PPP1R12A: variants seen among roughly 807,000 people sequenced by gnomAD.
The protein encoded by PPP1R12A is protein phosphatase 1 regulatory subunit 12A.
PPP1R12A carries 19 observed loss-of-function variants against 139.6 expected under a neutral mutation model. That is an observed-to-expected ratio of 0.14 (90% CI 0.09 to 0.20). PPP1R12A has a LOEUF of 0.20. Among genes scored for constraint, PPP1R12A ranks in the 10% least tolerant of loss-of-function variants. The probability of loss-of-function intolerance (pLI) is 1.00; values close to 1 mark genes in which losing one functional copy is unlikely to be tolerated. For synonymous variants in PPP1R12A, 427 were observed against 420.6 expected (o/e 1.02, Z -0.19); for missense variants, 925 against 1,211.5 (o/e 0.76, Z 3.51).
At chr12:79,776,559 T>G (rs1367794756) in intron 24 of PPP1R12A, among the ~76,000 whole-genome samples, 1 of 152,058 alleles carries the variant, frequency 6.6e-6, no homozygotes, top group East Asian at 1.9e-4. Context: ...CCCAGATAGA[T>G]GCTTATTAAA....
Position 79,921,939 on chromosome 12 carries a change from G to C in PPP1R12A, c.237+12756C>G, listed in dbSNP as rs1361807338. Among the ~76,000 whole-genome samples the C allele has an allele frequency of 2.0e-5, 3 of 152,114 alleles. No homozygotes were observed. The East Asian group carries it at 5.8e-4, about 29-fold the overall frequency. ...TTATTCTCACAAACACACACACACA[G>C]AGTAATAAAGCAATAAAACAATTTT... On this transcript the variant is annotated intron_variant, in intron 1 of 24. Transcript: ENST00000450142.
At chr12:79,871,959 T>C (rs890118316) in intron 2 of PPP1R12A, among the ~76,000 whole-genome samples, 2 of 152,146 alleles carry the variant, frequency 1.3e-5, no homozygotes, top group African/African-American at 2.4e-5. Flanking sequence ...AGTAATAAAA[T>C]TCGGGTAATT....
In PPP1R12A at chr12:79,935,062, C is replaced by G; in HGVS notation, c.-131G>C. The G allele has an allele frequency of 1.4e-6, 2 of 1,405,478 alleles. No homozygotes were observed. Among genetic ancestry groups the G allele is most frequent in the East Asian group, 5.5e-5 (2 of 36,522 alleles). The allele number at this position is 1,405,478 out of a possible 1,614,324, so 87.1% of individuals were successfully genotyped here. ...CCAGAGGAGGGCTGGGAACCCGGAG[C>G]CGACGCTCGAGACTTCCAGTATCCC... On this transcript the variant is annotated 5_prime_UTR_variant, in exon 1 of 25. Coordinates refer to ENST00000450142, the MANE Select transcript of PPP1R12A (RefSeq NM_002480.3).
At chr12:79,864,304 A>G (rs1881715216) in intron 2 of PPP1R12A, among the ~76,000 whole-genome samples, 1 of 152,234 alleles carries the variant, frequency 6.6e-6, no homozygotes, top group Admixed American at 6.5e-5. Context: ...AAACAAAGAC[A>G]CAACGTACCA....
intron 1 of PPP1R12A, among the ~76,000 whole-genome samples, chr12:79,886,368 T>C (rs1386649624): frequency 1.3e-5 from 2 of 151,786 alleles, no homozygotes; most frequent in African/African-American, 4.8e-5. Flanking sequence ...AAACAAAGAG[T>C]CCAGCATTGC....
At chr12:79,799,661 A>G (rs1273508278) in intron 14 of PPP1R12A, among the ~76,000 whole-genome samples, 1 of 152,150 alleles carries the variant, frequency 6.6e-6, no homozygotes, top group East Asian at 1.9e-4. Context: ...ATTTAAGCCT[A>G]TGTTTCCTCT....
In PPP1R12A at chr12:79,779,468, A is replaced by G. The variant is rs534377451; in HGVS notation, c.2956-868T>C. The G allele has an allele frequency of 4.2e-4, 326 of 779,370 alleles. 1 individual carries two copies. Among genetic ancestry groups the G allele is most frequent in the South Asian group, 1.6e-3 (114 of 69,576 alleles). The allele number at this position is 779,370 out of a possible 1,614,324, so 48.3% of individuals were successfully genotyped here. ...TAGTCAAGCAGTACATTTACTGTAAATGTTAATGTTTTTAGGGTATGTGAT... is the reference window on the plus strand; with the variant it reads ...TAGTCAAGCAGTACATTTACTGTAAGTGTTAATGTTTTTAGGGTATGTGAT... On this transcript the variant is annotated intron_variant, in intron 23 of 24. Transcript: ENST00000450142.
intron 1 of PPP1R12A, among the ~76,000 whole-genome samples, chr12:79,875,389 C>G (rs536946313): frequency 3.9e-5 from 6 of 152,328 alleles, no homozygotes; most frequent in African/African-American, 1.4e-4. Context: ...GAGCCTTTAA[C>G]TTGGTGAAAG....
At chr12:79,890,895 CCACACCCACCCACACA>C (rs1321707911) in intron 1 of PPP1R12A, among the ~76,000 whole-genome samples, 1,227 of 104,636 alleles carry the variant, frequency 0.012, 24 homozygotes, top group African/African-American at 0.043. Flanking sequence ...CACCACCCAC[CCACACCCACCCACACA>C]CACACACACA....
At chr12:79,867,641 A>T (rs1210134622) in intron 2 of PPP1R12A, among the ~76,000 whole-genome samples, 3 of 152,118 alleles carry the variant, frequency 2.0e-5, no homozygotes, top group African/African-American at 7.2e-5. Context: ...CCCTATAAAA[A>T]TTGTACTGAG....
In PPP1R12A at chr12:79,821,087, G is replaced by C. The variant is rs756990241; in HGVS notation, c.947C>G (p.Thr316Ser). 19 of 1,610,256 alleles carry C rather than the reference G, an allele frequency of 1.2e-5. No individual in the cohort carries two copies. The Admixed American group carries it at 2.8e-4, about 24-fold the overall frequency. Residue 316 changes from threonine (T) to serine (S), a missense_variant, in exon 7 of 25, where the codon ACC becomes AGC. By Grantham distance (58) the Thr-to-Ser change is moderately conservative. Transcript: ENST00000450142. ...ANMDNNQSQK[T>S]FKNKETLIIE... ...TGAATATTTTACTCACTTTTTAAAG[G>C]TCTTCTGTGACTGATTATTGTCCAT...
intron 10 of PPP1R12A, among the ~76,000 whole-genome samples, chr12:79,809,550 C>A (rs909299537): frequency 4.6e-5 from 7 of 152,004 alleles, no homozygotes; most frequent in African/African-American, 1.4e-4. Context: ...ATTATAAATT[C>A]TCAAGTAAGG....
chr12:79,826,552 A>G (rs1876798650), intron 5 of PPP1R12A, among the ~76,000 whole-genome samples: 1 of 152,102 alleles, frequency 6.6e-6, no homozygotes, highest in Non-Finnish European at 1.5e-5. Context: ...ATCGAATGAC[A>G]GATAAGGAGT....
At chr12:79,892,879 G>C (rs868017909) in intron 1 of PPP1R12A, among the ~76,000 whole-genome samples, 1 of 152,122 alleles carries the variant, frequency 6.6e-6, no homozygotes, top group African/African-American at 2.4e-5. Flanking sequence ...CAAGGTGGGC[G>C]GATCACTTGA....
At position 79,781,726 on chromosome 12, in the gene PPP1R12A, CATA is replaced by C; in HGVS notation, c.2955+86_2955+88del. ...ATTTAAACTAATTAAAACTGTCATC[CATA>C]ATAACAAAATAAAAACAAAAAACCT... On this transcript the variant is annotated intron_variant, in intron 23 of 24. Transcript: ENST00000450142. 3 of 699,344 alleles carry C rather than the reference CATA, an allele frequency of 4.3e-6. No individual in the cohort carries two copies. The East Asian group carries it at 8.6e-5, about 20-fold the overall frequency. 43.3% of individuals were successfully genotyped at this position (699,344 alleles called of 1,614,324 possible). A position where few individuals can be genotyped will look rare whatever the true frequency, so the allele number is the denominator to read the frequency against.
intron 2 of PPP1R12A, among the ~76,000 whole-genome samples, chr12:79,853,142 T>C (rs1446006444): frequency 6.6e-6 from 1 of 152,194 alleles, no homozygotes; most frequent in African/African-American, 2.4e-5. Flanking sequence ...TTTGCAGCTA[T>C]GAGTGTGACC....
chr12:79,828,366 C>T lies in PPP1R12A; in HGVS notation c.746G>A (p.Arg249Gln), dbSNP rs371900942. Residue 249 changes from arginine to glutamine, a missense_variant, in exon 5 of 25, where the codon CGA becomes CAA. This residue lies in a region of PPP1R12A where 199 missense variants were observed against 352.4 expected (regional missense o/e 0.56). Coordinates refer to ENST00000450142, the MANE Select transcript of PPP1R12A (RefSeq NM_002480.3). Reference protein sequence around the residue: ...AAHWGKEEACRILVDNLCDME... With the variant: ...AAHWGKEEACQILVDNLCDME... ...ATCACACAGATTGTCCACTAAAATT[C>T]GACATGCTTCTTCTTTACCCCAATG... 1.6e-5 allele frequency: 25 copies of T among 1,612,376 alleles called. No homozygotes were observed. The highest frequency in any genetic ancestry group is 2.7e-5 in the African/African-American group (2 of 74,860).
intron 2 of PPP1R12A, among the ~76,000 whole-genome samples, chr12:79,854,350 A>C (rs1387036483): frequency 6.6e-6 from 1 of 152,240 alleles, no homozygotes; most frequent in Non-Finnish European, 1.5e-5. Flanking sequence ...TATGTGCATT[A>C]TAAATATATC....
intron 24 of PPP1R12A, chr12:79,777,004 T>C (rs1468048542): frequency 3.2e-6 from 1 of 316,596 alleles, no homozygotes; most frequent in African/African-American, 2.3e-5. Context: ...CTTATCTGTG[T>C]TCAGAATCTT....
Sources: allele counts gnomAD v4.1 joint callset (sites outside exome capture counted in the v4.1 genomes callset), GRCh38; gene constraint gnomAD v4.1.1; regional missense constraint gnomAD v4.1.1; transcripts MANE v1.5; gene names NCBI Gene and HGNC (gene_info 2026-07-23, HGNC 2026-07-21).